Variants in MGAT1 observed in about 807,000 individuals in gnomAD.
MGAT1 encodes the protein N-glycosyl-oligosaccharide-glycoprotein N-acetylglucosaminyltransferase I.
MGAT1 carries 14 observed loss-of-function variants against 31.7 expected under a neutral mutation model. The ratio of observed to expected loss-of-function variants is 0.44; its 90% confidence interval spans 0.29 to 0.69. MGAT1 has a LOEUF of 0.69. Among genes scored for constraint, MGAT1 ranks in the 30% least tolerant of loss-of-function variants. MGAT1 has a pLI of 0.12. For missense variants in MGAT1, 557 were observed against 626.0 expected (o/e 0.89, Z 1.18); for synonymous variants, 338 against 276.0 (o/e 1.22, Z -2.23).
chr5:180,814,393 C>T (rs1469463629), intron 1 of MGAT1, among the ~76,000 whole-genome samples: 2 of 152,254 alleles, frequency 1.3e-5, no homozygotes, highest in Non-Finnish European at 2.9e-5. Context: ...CTTCTCTTGA[C>T]TCCCACGCCA....
At chr5:180,812,550 ACACACGCACACACACACAGG>A (rs1318523219) in intron 1 of MGAT1, among the ~76,000 whole-genome samples, 10 of 152,076 alleles carry the variant, frequency 6.6e-5, no homozygotes, top group African/African-American at 2.4e-4. Context: ...TATTTTTTAT[ACACACGCACACACACACAGG>A]CACACACACA....
Position 180,791,811 on chromosome 5 carries a change from C to A in MGAT1, c.1161G>T (p.Gln387His). Residue 387 changes from glutamine to histidine, a missense_variant, in exon 2 of 2, where the codon CAG becomes CAT. This residue lies in a region of MGAT1 where 145 missense variants were observed against 143.2 expected (regional missense o/e 1.01). Coordinates refer to ENST00000307826, the MANE Select transcript of MGAT1 (RefSeq NM_002406.4). Reference protein sequence around the residue: ...DRKELGEVRVQYTGRDSFKAF... With the variant: ...DRKELGEVRVHYTGRDSFKAF... Reference sequence around the variant, plus strand: ...CCTTGAAGCTGTCCCTGCCCGTATACTGCACCCGCACCTCCCCCAGCTCCT... The same window carrying A: ...CCTTGAAGCTGTCCCTGCCCGTATAATGCACCCGCACCTCCCCCAGCTCCT... 1 of 1,614,228 alleles carries A rather than the reference C, an allele frequency of 6.2e-7. No individual in the cohort carries two copies.
chr5:180,805,296 C>G (rs2113534133), upstream of MGAT1, among the ~76,000 whole-genome samples: 1 of 152,244 alleles, frequency 6.6e-6, no homozygotes, highest in African/African-American at 2.4e-5. Context: ...CCTGCCCACT[C>G]CACCACTGAC....
In MGAT1 at chr5:180,790,121, G is replaced by C. The variant is rs975114721; in HGVS notation, c.*1513C>G. ...TCAGCTGTGTACCCTGAGGCTCCCC[G>C]GCACGTCATAAAGGGCACTCAATAA... is the stretch of plus-strand genomic sequence containing the variant. On this transcript the variant is annotated 3_prime_UTR_variant, in exon 2 of 2. Transcript: ENST00000307826. 6.6e-6 allele frequency: 1 copy of C among 152,164 alleles called. No homozygotes were observed. The highest frequency in any genetic ancestry group is 1.5e-5 in the Non-Finnish European group (1 of 68,078). The allele number at this position is 152,164 out of a possible 1,614,324, so 9.4% of individuals were successfully genotyped here. A position where few individuals can be genotyped will look rare whatever the true frequency, so the allele number is the denominator to read the frequency against.
At chr5:180,794,757 A>T (rs1184240786) in intron 1 of MGAT1, among the ~76,000 whole-genome samples, 1 of 152,090 alleles carries the variant, frequency 6.6e-6, no homozygotes, top group Non-Finnish European at 1.5e-5. Flanking sequence ...ATCCTTCCTA[A>T]CGTCCTCTGG....
intron 1 of MGAT1, among the ~76,000 whole-genome samples, chr5:180,797,299 G>A (rs931941411): frequency 3.3e-5 from 5 of 151,782 alleles, no homozygotes; most frequent in Admixed American, 2.6e-4. Context: ...CTACTCAGAA[G>A]GCTGAGACAG....
Position 180,791,608 on chromosome 5 carries a change from A to AG in MGAT1, c.*25dup. ...CACCTCAGCTCATGATGTGGCAAGG[A>AG]GGGGCCCAGGAAGGACAGGCAGGTG... On this transcript the variant is annotated 3_prime_UTR_variant, in exon 2 of 2. Transcript: ENST00000307826. 6.2e-7 allele frequency: 1 copy of AG among 1,606,356 alleles called. No individual in the cohort carries two copies. The highest frequency in any genetic ancestry group is 2.2e-5 in the East Asian group (1 of 44,824).
Position 180,793,169 on chromosome 5 carries a change from T to C in MGAT1, c.-126-72A>G, listed in dbSNP as rs930348801. 4 of 668,284 alleles carry C rather than the reference T, an allele frequency of 6.0e-6. No homozygotes were observed. The East Asian group carries it at 8.4e-5, about 14-fold the overall frequency. The allele number at this position is 668,284 out of a possible 1,614,324, so 41.4% of individuals were successfully genotyped here. A position where few individuals can be genotyped will look rare whatever the true frequency, so the allele number is the denominator to read the frequency against. ...CTCCATGCCCCACAGGTAGAGGAAA[T>C]GGGGGCAGGAAAAGGCCAAGAGTGA... On this transcript the variant is annotated intron_variant, in intron 1 of 1. Coordinates refer to ENST00000307826, the MANE Select transcript of MGAT1 (RefSeq NM_002406.4).
intron 1 of MGAT1, among the ~76,000 whole-genome samples, chr5:180,812,658 G>C (rs915088551): frequency 6.6e-6 from 1 of 151,974 alleles, no homozygotes; most frequent in Non-Finnish European, 1.5e-5. Context: ...TCTATAATTC[G>C]AGTCAATTTG....
chr5:180,797,437 G>T (rs907625938), intron 1 of MGAT1, among the ~76,000 whole-genome samples: 1 of 146,774 alleles, frequency 6.8e-6, no homozygotes, highest in Non-Finnish European at 1.5e-5. Context: ...AAAGGGGGGG[G>T]GGGCCCAGAG....
rs529145679 is a variant in MGAT1 at position 180,791,169 on chromosome 5, A to G, written c.*465T>C. ...TGACAAGGAAGCCCCTTTGGTTAGTATCATTTTGGCCACAAATATGTCCCC... is the reference window on the plus strand; with the variant it reads ...TGACAAGGAAGCCCCTTTGGTTAGTGTCATTTTGGCCACAAATATGTCCCC... On this transcript the variant is annotated 3_prime_UTR_variant, in exon 2 of 2. Transcript: ENST00000307826. The G allele has an allele frequency of 8.0e-5, 13 of 162,280 alleles. No homozygotes were observed. The highest frequency in any genetic ancestry group is 3.1e-4 in the African/African-American group (13 of 41,784). The allele number at this position is 162,280 out of a possible 1,614,324, so 10.1% of individuals were successfully genotyped here.
chr5:180,791,695 C>A lies in MGAT1; in HGVS notation c.1277G>T (p.Gly426Val), dbSNP rs1213311651. The A allele has an allele frequency of 1.2e-6, 2 of 1,613,762 alleles. No homozygotes were observed. The highest frequency in any genetic ancestry group is 1.7e-6 in the Non-Finnish European group (2 of 1,179,922). ...YRGIVTFQFR[G>V]RRVHLAPPLT... ...TGGGGGCGCCAGGTGGACACGGCGG[C>A]CCCGGAACTGGAAGGTGACAATACC... Residue 426 changes from glycine to valine, a missense_variant, in exon 2 of 2, where the codon GGC becomes GTC. By Grantham distance (109) the Gly-to-Val change is moderately radical. Transcript: ENST00000307826.
Position 180,791,881 on chromosome 5 carries a change from C to T in MGAT1, c.1091G>A (p.Gly364Asp), listed in dbSNP as rs1650226452. 1 of 1,614,220 alleles carries T rather than the reference C, an allele frequency of 6.2e-7. No individual in the cohort carries two copies. ...TTTCTCCACCTGCAGCTGGGGAGCA[C>T]CGTAGACGCGGGCGAGGAAATCTCG... ...YDRDFLARVY[G>D]APQLQVEKVR... The change falls in exon 2 of 2, where the codon GGT (glycine) becomes GAT (aspartate). Residue 364 changes from glycine (G) to aspartate (D), a missense_variant. Transcript: ENST00000307826.
At chr5:180,801,266 C>T (rs974336573) in intron 1 of MGAT1, among the ~76,000 whole-genome samples, 10 of 152,092 alleles carry the variant, frequency 6.6e-5, no homozygotes, top group Non-Finnish European at 7.4e-5. Flanking sequence ...GAGCAATAAG[C>T]GAGAAGTTAT....
intron 1 of MGAT1, among the ~76,000 whole-genome samples, chr5:180,794,563 T>A (rs1451171072): frequency 1.3e-5 from 2 of 152,158 alleles, no homozygotes; most frequent in Middle Eastern, 3.2e-3. Context: ...ATAAAGGTGC[T>A]ACTTAAAATT....
At chr5:180,812,472 C>T (rs1772637156) in intron 1 of MGAT1, among the ~76,000 whole-genome samples, 1 of 152,012 alleles carries the variant, frequency 6.6e-6, no homozygotes, top group Non-Finnish European at 1.5e-5. Flanking sequence ...AAAAATTTGT[C>T]TCCTGTCCCC....
At chr5:180,801,910 G>C (rs1028995383) in intron 1 of MGAT1, among the ~76,000 whole-genome samples, 2 of 152,238 alleles carry the variant, frequency 1.3e-5, no homozygotes, top group Non-Finnish European at 2.9e-5. Flanking sequence ...ATGGTCCCCA[G>C]AATTGGGAAG....
At chr5:180,801,539 T>G (rs777273447) in intron 1 of MGAT1, among the ~76,000 whole-genome samples, 1 of 151,828 alleles carries the variant, frequency 6.6e-6, no homozygotes. Context: ...AATTCAAGAG[T>G]TGAGAGAATA....
chr5:180,815,300 A>G (rs1321477430), intron 1 of MGAT1: 2 of 152,276 alleles, frequency 1.3e-5, no homozygotes, highest in Non-Finnish European at 2.9e-5. Context: ...TTAAGTTTCA[A>G]CATAAGTTTT....
Sources: allele counts gnomAD v4.1 joint callset (sites outside exome capture counted in the v4.1 genomes callset), GRCh38; gene constraint gnomAD v4.1.1; regional missense constraint gnomAD v4.1.1; transcripts MANE v1.5; gene names NCBI Gene and HGNC (gene_info 2026-07-23, HGNC 2026-07-21).